GLI2: variants seen among roughly 807,000 people sequenced by gnomAD.
GLI2 encodes GLI family zinc finger 2.
Under a neutral mutation model 78.9 loss-of-function variants are expected in GLI2, and 22 were observed. That is an observed-to-expected ratio of 0.28 (90% confidence interval 0.20 to 0.40). GLI2 has a LOEUF of 0.40. GLI2 is among the 10% of genes least tolerant of loss of function. The pLI is 1.00. For synonymous variants in GLI2, 974 were observed against 963.7 expected, an observed-to-expected ratio of 1.01 and a Z score of -0.20; for missense variants, 2,097 against 2,213.2, an observed-to-expected ratio of 0.95 and a Z score of 1.05.
At chr2:120,845,109 C>T (rs1429703194) in intron 2 of GLI2, among the ~76,000 whole-genome samples, 2 of 152,024 alleles carry the variant, frequency 1.3e-5, no homozygotes, top group Admixed American at 1.3e-4. Flanking sequence ...CTCGTCTCTA[C>T]TAAAAATACA....
chr2:120,755,987 C>T (rs965599641), intron 1 of GLI2, among the ~76,000 whole-genome samples: 3 of 152,126 alleles, frequency 2.0e-5, no homozygotes, highest in African/African-American at 7.2e-5. Context: ...AGCTTTATAA[C>T]AAGTCTTGAA....
intron 5 of GLI2, among the ~76,000 whole-genome samples, chr2:120,965,191 A>G (rs1359645704): frequency 6.6e-6 from 1 of 152,046 alleles, no homozygotes; most frequent in Non-Finnish European, 1.5e-5. Flanking sequence ...ATGCTGCAAC[A>G]GAGGGGCACA....
Position 120,913,819 on chromosome 2 carries a change from A to G in GLI2, c.149-13542A>G, listed in dbSNP as rs560662548. Among the ~76,000 whole-genome samples, 5 of 152,338 alleles carry G rather than the reference A, an allele frequency of 3.3e-5. No individual in the cohort carries two copies. In the South Asian group the frequency reaches 1.0e-3, roughly 32 times the overall value. On this transcript the variant is annotated intron_variant, in intron 2 of 13. Transcript: ENST00000361492. ...TGTCTGTGGCAGGCCCTGCCTCAGA[A>G]TGCAGCCTGGAATAAAGAGGTGCCT...
intron 1 of GLI2, among the ~76,000 whole-genome samples, chr2:120,788,606 C>T (rs948632421): frequency 2.6e-5 from 4 of 152,234 alleles, no homozygotes; most frequent in Non-Finnish European, 5.9e-5. Flanking sequence ...TGGGGCCCTC[C>T]CTGGCCCCTG....
intron 2 of GLI2, among the ~76,000 whole-genome samples, chr2:120,864,949 C>G (rs1688058277): frequency 6.6e-6 from 1 of 152,186 alleles, no homozygotes; most frequent in South Asian, 2.1e-4. Flanking sequence ...GTCCAGAGAG[C>G]AGCCCTTTCT....
At chr2:120,872,749 A>C (rs1688530766) in intron 2 of GLI2, among the ~76,000 whole-genome samples, 1 of 152,222 alleles carries the variant, frequency 6.6e-6, no homozygotes, top group Non-Finnish European at 1.5e-5. Context: ...AATGGGGCTG[A>C]TAATCCATAG....
chr2:120,805,114 C>G (rs1258542564), intron 2 of GLI2, among the ~76,000 whole-genome samples: 1 of 152,238 alleles, frequency 6.6e-6, no homozygotes, highest in African/African-American at 2.4e-5. Context: ...GAGCATTCCT[C>G]TGGCCTGTCC....
chr2:120,820,828 C>T (rs965544950), intron 2 of GLI2, among the ~76,000 whole-genome samples: 2 of 152,198 alleles, frequency 1.3e-5, no homozygotes, highest in Non-Finnish European at 1.5e-5. Flanking sequence ...ATGTGGGCCA[C>T]ACTGCATCTT....
intron 2 of GLI2, among the ~76,000 whole-genome samples, chr2:120,884,983 G>C (rs1677325907): frequency 6.6e-6 from 1 of 152,154 alleles, no homozygotes; most frequent in Non-Finnish European, 1.5e-5. Context: ...CTAACAGCTG[G>C]GCTGCTCCTG....
In GLI2 at chr2:120,850,140, C is replaced by T. The variant is rs558434629; in HGVS notation, c.148+52672C>T. Among the ~76,000 whole-genome samples the T allele has an allele frequency of 4.1e-5, 6 of 146,702 alleles. No homozygotes were observed. In the South Asian group the frequency reaches 6.4e-4, roughly 16 times the overall value. ...GGGAGAAGGTTATACAAGAACAATACAAGAAAATTGCCTGGATCAGGACAA... is the reference window on the plus strand; with the variant it reads ...GGGAGAAGGTTATACAAGAACAATATAAGAAAATTGCCTGGATCAGGACAA... On this transcript the variant is annotated intron_variant, in intron 2 of 13. Coordinates refer to ENST00000361492, the MANE Select transcript of GLI2 (RefSeq NM_001374353.1).
intron 3 of GLI2, among the ~76,000 whole-genome samples, chr2:120,944,715 C>T (rs982196289): frequency 1.3e-5 from 2 of 152,254 alleles, no homozygotes; most frequent in East Asian, 1.9e-4. Flanking sequence ...TACTCCCACT[C>T]GGCCACCTCC....
At chr2:120,835,064 C>T (rs1686543611) in intron 2 of GLI2, among the ~76,000 whole-genome samples, 1 of 152,080 alleles carries the variant, frequency 6.6e-6, no homozygotes, top group South Asian at 2.1e-4. Flanking sequence ...TGGTTTTTGA[C>T]AAACACACCA....
At chr2:120,748,853 CTCCATCCATCCATCCA>C (rs71671803) in intron 1 of GLI2, among the ~76,000 whole-genome samples, 26 of 150,606 alleles carry the variant, frequency 1.7e-4, no homozygotes, top group Middle Eastern at 3.4e-3. Context: ...ATCTTGCATT[CTCCATCCATCCATCCA>C]TCCATCCATC....
chr2:120,737,528 G>C lies in GLI2; in HGVS notation c.-31+1243G>C, dbSNP rs1573541587. On this transcript the variant is annotated intron_variant, in intron 1 of 13. Coordinates refer to ENST00000361492, the MANE Select transcript of GLI2 (RefSeq NM_001374353.1). The surrounding 1 kb of genome is among the most constrained non-coding windows in gnomAD (Gnocchi z 4.3). Reference sequence around the variant, plus strand: ...TCCCTACTGTCTGGTCCCGCGCCCTGGGAGTCTTGTAGGCGTCCCTCTGTC... The same window carrying C: ...TCCCTACTGTCTGGTCCCGCGCCCTCGGAGTCTTGTAGGCGTCCCTCTGTC... Among the ~76,000 whole-genome samples, 2 of 152,182 alleles carry C rather than the reference G, an allele frequency of 1.3e-5. No homozygotes were observed. The highest frequency in any genetic ancestry group is 3.9e-4 in the East Asian group (2 of 5,174).
At chr2:120,888,559 G>A (rs773568134) in intron 2 of GLI2, among the ~76,000 whole-genome samples, 1 of 152,218 alleles carries the variant, frequency 6.6e-6, no homozygotes, top group Non-Finnish European at 1.5e-5. Context: ...CAGGCCGTGA[G>A]GGCCATGTTC....
chr2:120,826,562 G>A lies in GLI2; in HGVS notation c.148+29094G>A, dbSNP rs565359940. Reference sequence around the variant, plus strand: ...TTGAGGTGGGCAGAGGTGCTTTGGAGTGGTGGAGATTTTTATCTCATGTAT... The same window carrying A: ...TTGAGGTGGGCAGAGGTGCTTTGGAATGGTGGAGATTTTTATCTCATGTAT... On this transcript the variant is annotated intron_variant, in intron 2 of 13. Coordinates refer to ENST00000361492, the MANE Select transcript of GLI2 (RefSeq NM_001374353.1). Among the ~76,000 whole-genome samples the A allele has an allele frequency of 4.6e-5, 7 of 152,300 alleles. No homozygotes were observed. The South Asian group carries it at 1.0e-3, about 23-fold the overall frequency.
At chr2:120,816,192 CT>C (rs3053837) in intron 2 of GLI2, among the ~76,000 whole-genome samples, 1,362 of 134,772 alleles carry the variant, frequency 0.01, 16 homozygotes, top group African/African-American at 0.03. Flanking sequence ...CCCCAAAGAG[CT>C]TTTTTTTTTT....
chr2:120,806,330 C>A (rs563077294), intron 2 of GLI2, among the ~76,000 whole-genome samples: 125 of 152,274 alleles, frequency 8.2e-4, no homozygotes, highest in Non-Finnish European at 1.6e-3. Flanking sequence ...CAGATGGTCC[C>A]GAACTGTGGA....
intron 6 of GLI2, 53 bp downstream of exon 6, chr2:120,968,968 C>T (rs964517568): frequency 4.9e-6 from 7 of 1,435,890 alleles, no homozygotes; most frequent in South Asian, 3.5e-5. Flanking sequence ...GCTGAGGGCC[C>T]GGTGGGGAGG....
Sources: allele counts gnomAD v4.1 joint callset (sites outside exome capture counted in the v4.1 genomes callset), GRCh38; gene constraint gnomAD v4.1.1; non-coding constraint Gnocchi (gnomAD v3.1); transcripts MANE v1.5; gene names NCBI Gene and HGNC (gene_info 2026-07-23, HGNC 2026-07-21).